The following ARHGAP9 variants were observed in gnomAD, a reference collection of about 807,000 sequenced individuals.
The protein encoded by ARHGAP9 is rho GTPase-activating protein 9.
ARHGAP9 carries 76 observed loss-of-function variants against 87.3 expected under a neutral mutation model. The ratio of observed to expected loss-of-function variants is 0.87; its 90% CI spans 0.72 to 1.05. The LOEUF is 1.05. ARHGAP9 is among the 50% of genes least tolerant of loss of function. The pLI is 0.00. For synonymous variants in ARHGAP9, 382 were observed against 394.9 expected, an observed-to-expected ratio of 0.97 and a Z score of 0.39; for missense variants, 941 against 960.5, an observed-to-expected ratio of 0.98 and a Z score of 0.27.
At chr12:57,474,740 T>G in intron 13 of ARHGAP9, 37 bp from the exon 14 acceptor site, 1 of 1,612,512 alleles carries the variant, frequency 6.2e-7, no homozygotes, top group Non-Finnish European at 8.5e-7. Context: ...GGACTGCTGC[T>G]TGAAAGTGTG....
At chr12:57,475,227 G>A (rs770094014) in intron 12 of ARHGAP9, 64 bp downstream of exon 12, 50 of 1,471,332 alleles carry the variant, frequency 3.4e-5, no homozygotes, top group Admixed American at 8.4e-5. Context: ...GTCTAGTTCT[G>A]GGAAGCTCTA....
In ARHGAP9 at chr12:57,479,103, G is replaced by C; in HGVS notation, c.304C>G (p.Leu102Val). Residue 102 changes from leucine (L) to valine (V), a missense_variant, in exon 2 of 18, where the codon CTC (leucine) becomes GTC (valine). Transcript: ENST00000393791. ...SPTTVIPGQL[L>V]WTPGPKLFHG... is the part of the protein sequence containing the mutation. ...AGCGCTTACTCACCAGGAGTCCAGAGCAATTGGCCGGGGATGACGGTAGTT... is the reference window on the plus strand; with the variant it reads ...AGCGCTTACTCACCAGGAGTCCAGACCAATTGGCCGGGGATGACGGTAGTT... 1 of 1,614,182 alleles carries C rather than the reference G, an allele frequency of 6.2e-7. No individual in the cohort carries two copies.
At chr12:57,476,254 T>C in intron 8 of ARHGAP9, 88 bp from the exon 9 acceptor site, 3 of 1,495,158 alleles carry the variant, frequency 2.0e-6, no homozygotes, top group Non-Finnish European at 2.7e-6. Flanking sequence ...GTGGGAGGCT[T>C]CCTCACTTCT....
chr12:57,487,243 C>T (rs899468072), intron 1 of ARHGAP9: 7 of 151,902 alleles, frequency 4.6e-5, no homozygotes, highest in African/African-American at 1.7e-4. Context: ...CCCCAAAGTG[C>T]TGGATTACAT....
intron 3 of ARHGAP9, chr12:57,477,979 A>C (rs1874404379): frequency 1.6e-6 from 2 of 1,220,176 alleles, no homozygotes; most frequent in South Asian, 3.1e-5. Context: ...GGGTGGGGGG[A>C]ATGTTGAAGG....
At chr12:57,474,763 T>C in intron 13 of ARHGAP9, 60 bp from the exon 14 acceptor site, 1 of 1,608,506 alleles carries the variant, frequency 6.2e-7, no homozygotes, top group South Asian at 1.1e-5. Flanking sequence ...TGGTGAGGGA[T>C]ATAAGGGTGG....
rs1197675276 is a variant in ARHGAP9 at position 57,479,240 on chromosome 12, T to A, written c.167A>T (p.Lys56Met). ...TGCCAACCACCAGTCGGAGTTGGTCTTTCGAAGCAGTAGGAACCTATCCCC... is the reference window on the plus strand; with the variant it reads ...TGCCAACCACCAGTCGGAGTTGGTCATTCGAAGCAGTAGGAACCTATCCCC... ...AEGDRFLLLR[K>M]TNSDWWLARR... Residue 56 changes from lysine (K) to methionine (M), a missense_variant, in exon 2 of 18, where the codon AAG becomes ATG. Coordinates refer to ENST00000393791, the MANE Select transcript of ARHGAP9 (RefSeq NM_032496.4). The A allele has an allele frequency of 1.9e-6, 3 of 1,614,202 alleles. No homozygotes were observed. Among genetic ancestry groups the A allele is most frequent in the African/African-American group, 2.7e-5 (2 of 75,032 alleles).
In ARHGAP9 at chr12:57,476,108, T is replaced by C. The variant is rs1226814992; in HGVS notation, c.1175A>G (p.His392Arg). 1.3e-6 allele frequency: 2 copies of C among 1,539,562 alleles called. No homozygotes were observed. Residue 392 changes from histidine to arginine, a missense_variant, in exon 9 of 18, where the codon CAC becomes CGC. Transcript: ENST00000393791. ...SVDLRGAALA[H>R]GRHLSSRRNV... Reference sequence around the variant, plus strand: ...GCGGCGGCTGGACAGGTGGCGGCCGTGCGCCAGGGCCGCCCCGCGCAGGTC... The same window carrying C: ...GCGGCGGCTGGACAGGTGGCGGCCGCGCGCCAGGGCCGCCCCGCGCAGGTC...
In ARHGAP9 at chr12:57,475,959, G is replaced by C. The variant is rs753672198; in HGVS notation, c.1213-28C>G. ...GAGGGCCAGGCAAGGAAACGCTCGGGTCAACGGGAAGGAGTATAATAAGCA... is the reference window on the plus strand; with the variant it reads ...GAGGGCCAGGCAAGGAAACGCTCGGCTCAACGGGAAGGAGTATAATAAGCA... On this transcript the variant is annotated intron_variant, in intron 9 of 17. Transcript: ENST00000393791. 2.5e-5 allele frequency: 40 copies of C among 1,602,308 alleles called. No homozygotes were observed. In the Middle Eastern group the frequency reaches 1.5e-3, roughly 60 times the overall value.
intron 17 of ARHGAP9, 123 bp downstream of exon 17, chr12:57,473,480 G>T: frequency 1.3e-6 from 1 of 782,540 alleles, no homozygotes; most frequent in African/African-American, 1.7e-5. Context: ...GAGGTTGCCT[G>T]CTTCCTCACC....
intron 3 of ARHGAP9, chr12:57,478,107 C>T: frequency 4.3e-6 from 2 of 461,986 alleles, no homozygotes; most frequent in South Asian, 2.5e-5. Context: ...GGGCAAGTCA[C>T]ATCTCTAGAG....
At chr12:57,488,266 A>G in intron 1 of ARHGAP9, 3 of 1,481,940 alleles carry the variant, frequency 2.0e-6, no homozygotes, top group Non-Finnish European at 2.8e-6. Flanking sequence ...GATTCTCTGC[A>G]GCTGTCTTTG....
chr12:57,479,977 A>T, upstream of ARHGAP9: 2 of 1,359,800 alleles, frequency 1.5e-6, no homozygotes, highest in East Asian at 3.0e-5. Context: ...TCAGAGAGAC[A>T]TGGTGACAGA....
At position 57,479,417 on chromosome 12, in the gene ARHGAP9, A is replaced by ACTGT. The variant is rs745573797; in HGVS notation, c.-15_-12dup. 1 of 1,608,386 alleles carries ACTGT rather than the reference A, an allele frequency of 6.2e-7. No homozygotes were observed. The highest frequency in any genetic ancestry group is 8.5e-7 in the Non-Finnish European group (1 of 1,177,590). The stretch of plus-strand genomic sequence containing the variant: ...CCGGCTGGATAGCATTGTAGCCAGC[A>ACTGT]CTGTCACCTGTGAGAAAAAGGGACA... On this transcript the variant is annotated 5_prime_UTR_variant, in exon 2 of 18. Coordinates refer to ENST00000393791, the MANE Select transcript of ARHGAP9 (RefSeq NM_032496.4).
chr12:57,472,706 G>A lies in ARHGAP9; in HGVS notation c.2025-18C>T, dbSNP rs1354008025. 2.5e-6 allele frequency: 4 copies of A among 1,613,996 alleles called. No individual in the cohort carries two copies. Among genetic ancestry groups the A allele is most frequent in the African/African-American group, 1.3e-5 (1 of 75,048 alleles). ...CTATCACCCTGTAAGCAAAGGCCAA[G>A]GAAGGGGATATATGGCAGCAGCTTG... is the stretch of plus-strand genomic sequence containing the variant. On this transcript the variant is annotated intron_variant, in intron 17 of 17. Coordinates refer to ENST00000393791, the MANE Select transcript of ARHGAP9 (RefSeq NM_032496.4).
At chr12:57,488,471 C>T (rs893343752) in intron 1 of ARHGAP9, 4 of 1,244,308 alleles carry the variant, frequency 3.2e-6, no homozygotes, top group Admixed American at 4.2e-5. Flanking sequence ...CTGCTCTTCC[C>T]TTCCCAACCT....
chr12:57,474,540 A>G, intron 14 of ARHGAP9, 64 bp from the exon 15 acceptor site: 1 of 1,613,338 alleles, frequency 6.2e-7, no homozygotes, highest in South Asian at 1.1e-5. Flanking sequence ...CGGCCTCTCT[A>G]TTCTGCCAGC....
intron 1 of ARHGAP9, chr12:57,488,331 T>G: frequency 1.2e-6 from 1 of 841,498 alleles, no homozygotes; most frequent in South Asian, 1.6e-5. Flanking sequence ...CTATTATCCT[T>G]GATCACTCCA....
rs575454834 is a variant in ARHGAP9, at chr12:57,488,034, C to T, written c.-204+578G>A. The T allele has an allele frequency of 2.9e-5, 44 of 1,495,390 alleles. 1 individual carries two copies. In the East Asian group the frequency reaches 3.8e-4, roughly 13 times the overall value. 92.6% of individuals were successfully genotyped at this position (1,495,390 alleles called of 1,614,324 possible). A position where few individuals can be genotyped will look rare whatever the true frequency, so the allele number is the denominator to read the frequency against. ...TTCCCGGCGTGCCTCGCGGAGGCCGCTGAACTCAGAAGCGGGAGGCCGGTT... is the reference window on the plus strand; with the variant it reads ...TTCCCGGCGTGCCTCGCGGAGGCCGTTGAACTCAGAAGCGGGAGGCCGGTT... On this transcript the variant is annotated intron_variant, in intron 1 of 20. Coordinates refer to the ARHGAP9 transcript ENST00000393797.
Sources: allele counts gnomAD v4.1 joint callset, GRCh38; gene constraint gnomAD v4.1.1; transcripts MANE v1.5; gene names NCBI Gene and HGNC (gene_info 2026-07-23, HGNC 2026-07-21).